The following ADAMTSL1 variants were observed in gnomAD, a reference collection of about 807,000 sequenced individuals.
ADAMTSL1 encodes ADAMTS like 1, also known as ADAMTS-like protein 1.
A neutral mutation model predicts 201.8 loss-of-function variants in ADAMTSL1; 126 were observed. The ratio of observed to expected loss-of-function variants is 0.62; its 90% CI spans 0.54 to 0.72. The LOEUF is 0.72. Ranked by LOEUF, ADAMTSL1 falls within the 30% of genes least tolerant of loss-of-function variation. The pLI, the probability that ADAMTSL1 is intolerant of heterozygous loss-of-function variation, is 0.00. For synonymous variants in ADAMTSL1, 1,121 were observed against 903.4 expected (o/e 1.24, Z -4.32); for missense variants, 2,679 against 2,277.8 (o/e 1.18, Z -3.59).
At chr9:18,304,639 G>A (rs1287538464) in intron 2 of ADAMTSL1, among the ~76,000 whole-genome samples, 1 of 149,122 alleles carries the variant, frequency 6.7e-6, no homozygotes, top group Non-Finnish European at 1.5e-5. Context: ...GGTAGCACAA[G>A]GGCCTAAACT....
At chr9:18,560,771 A>G (rs1256606211) in intron 3 of ADAMTSL1, among the ~76,000 whole-genome samples, 1 of 151,766 alleles carries the variant, frequency 6.6e-6, no homozygotes, top group Admixed American at 6.6e-5. Flanking sequence ...CCTTTCTTCT[A>G]GATTTTCTAG....
intron 2 of ADAMTSL1, among the ~76,000 whole-genome samples, chr9:18,306,516 A>C (rs1010014876): frequency 2.0e-5 from 3 of 152,210 alleles, no homozygotes; most frequent in African/African-American, 7.2e-5. Flanking sequence ...GATGGAGCTG[A>C]AAAACACAGC....
intron 2 of ADAMTSL1, among the ~76,000 whole-genome samples, chr9:18,427,846 G>A (rs1278620633): frequency 6.6e-6 from 1 of 152,240 alleles, no homozygotes; most frequent in Non-Finnish European, 1.5e-5. Context: ...ACGTAGAGAT[G>A]ATGAGACTGC....
At chr9:17,940,056 G>C (rs899126111) in intron 1 of ADAMTSL1, among the ~76,000 whole-genome samples, 1 of 152,004 alleles carries the variant, frequency 6.6e-6, no homozygotes, top group Non-Finnish European at 1.5e-5. Context: ...GAAACAATAG[G>C]TGTGGTTAGA....
rs139160097 is a variant in ADAMTSL1, at chr9:18,584,457, G to A, written c.474+10191G>A. 9.3e-4 allele frequency among the ~76,000 whole-genome samples: 142 copies of A among 152,138 alleles called. 1 individual carries two copies. The highest frequency in any genetic ancestry group is 2.1e-3 in the South Asian group (10 of 4,824). On this transcript the variant is annotated intron_variant, in intron 4 of 28. Transcript: ENST00000380548. Reference sequence around the variant, plus strand: ...CAGGTATGTCTTTATCAGCAGCATGGAAACAGACTAATACATCGCTGAAAG... The same window carrying A: ...CAGGTATGTCTTTATCAGCAGCATGAAAACAGACTAATACATCGCTGAAAG...
chr9:18,356,427 C>T (rs1836232062), intron 2 of ADAMTSL1, among the ~76,000 whole-genome samples: 1 of 149,868 alleles, frequency 6.7e-6, no homozygotes, highest in Middle Eastern at 3.3e-3. Context: ...ACTTGGGATG[C>T]TAAGGCAGGA....
At chr9:18,290,691 A>G (rs1563862706) in intron 2 of ADAMTSL1, among the ~76,000 whole-genome samples, 1 of 152,114 alleles carries the variant, frequency 6.6e-6, no homozygotes, top group Non-Finnish European at 1.5e-5. Flanking sequence ...AACCAATGAA[A>G]GAAGGAATCA....
chr9:18,135,522 A>G (rs565355231), intron 1 of ADAMTSL1, among the ~76,000 whole-genome samples: 2 of 152,286 alleles, frequency 1.3e-5, no homozygotes, highest in South Asian at 4.1e-4. Context: ...ACTGCCAGGC[A>G]TAGTGGTGCA....
intron 2 of ADAMTSL1, among the ~76,000 whole-genome samples, chr9:18,214,294 A>G (rs1431138368): frequency 6.6e-6 from 1 of 152,192 alleles, no homozygotes; most frequent in Non-Finnish European, 1.5e-5. Context: ...TCTCTTCGAA[A>G]TTCAAATACA....
At position 18,310,386 on chromosome 9, in the gene ADAMTSL1, A is replaced by AAC. The variant is rs1554657139; in HGVS notation, c.207+146406_207+146407insCA. 4.6e-3 allele frequency among the ~76,000 whole-genome samples: 673 copies of AAC among 145,156 alleles called. 11 individuals carry two copies. Among genetic ancestry groups the AAC allele is most frequent in the South Asian group, 0.024 (103 of 4,348 alleles). ...CTGCATAGCAAAAAAAAAAAAAAAA[A>AAC]AAAAAAAAAAAAACTATCTTCAGAG... On this transcript the variant is annotated intron_variant, in intron 2 of 29. Coordinates refer to the ADAMTSL1 transcript ENST00000680146.
chr9:18,169,250 T>C lies in ADAMTSL1; in HGVS notation c.207+5269T>C, dbSNP rs1001073529. The stretch of plus-strand genomic sequence containing the variant: ...CCTAGGTTTTCTTCTAGGGTTTTTA[T>C]GGTTTTAGGTCTAACATTTAAGTCT... On this transcript the variant is annotated intron_variant, in intron 2 of 29. Transcript: ENST00000680146. 2.0e-5 allele frequency among the ~76,000 whole-genome samples: 3 copies of C among 152,166 alleles called. No individual in the cohort carries two copies. The East Asian group carries it at 5.8e-4, about 29-fold the overall frequency.
chr9:17,921,474 G>A (rs1371255595), intron 1 of ADAMTSL1, among the ~76,000 whole-genome samples: 3 of 152,040 alleles, frequency 2.0e-5, no homozygotes, highest in Non-Finnish European at 4.4e-5. Context: ...TTTATTTACT[G>A]TTATTTTAGC....
At chr9:18,266,514 T>C (rs1408230959) in intron 2 of ADAMTSL1, among the ~76,000 whole-genome samples, 5 of 152,196 alleles carry the variant, frequency 3.3e-5, no homozygotes, top group African/African-American at 4.8e-5. Flanking sequence ...TTAGGAACTA[T>C]TGAGTGAGGG....
intron 26 of ADAMTSL1, among the ~76,000 whole-genome samples, chr9:18,902,053 T>C (rs1588351578): frequency 6.6e-6 from 1 of 152,148 alleles, no homozygotes; most frequent in East Asian, 1.9e-4. Flanking sequence ...AGGGTCAATA[T>C]ACCAAGAACA....
intron 1 of ADAMTSL1, among the ~76,000 whole-genome samples, chr9:18,067,695 A>C (rs1822770465): frequency 1.3e-5 from 2 of 152,232 alleles, no homozygotes; most frequent in African/African-American, 4.8e-5. Context: ...ACTAAGCTTT[A>C]CAACAGCAGC....
At chr9:18,221,660 C>T (rs1205646217) in intron 2 of ADAMTSL1, among the ~76,000 whole-genome samples, 1 of 151,952 alleles carries the variant, frequency 6.6e-6, no homozygotes, top group Middle Eastern at 3.2e-3. Context: ...TTCTAATTTC[C>T]ATTATAATTT....
At chr9:18,821,369 C>T (rs1250631351) in intron 21 of ADAMTSL1, among the ~76,000 whole-genome samples, 1 of 152,134 alleles carries the variant, frequency 6.6e-6, no homozygotes, top group Non-Finnish European at 1.5e-5. Flanking sequence ...CACATGCCTT[C>T]CAAGGTCTCC....
At chr9:18,803,360 A>G (rs1326744213) in intron 20 of ADAMTSL1, among the ~76,000 whole-genome samples, 2 of 152,210 alleles carry the variant, frequency 1.3e-5, no homozygotes, top group Non-Finnish European at 2.9e-5. Context: ...CTTCACAACC[A>G]GCAATGGAGG....
intron 2 of ADAMTSL1, among the ~76,000 whole-genome samples, chr9:18,439,151 G>A (rs763208270): frequency 1.3e-5 from 2 of 152,150 alleles, no homozygotes; most frequent in Non-Finnish European, 2.9e-5. Flanking sequence ...CCAGGGACTT[G>A]TGTGTCCTGC....
Sources: gnomAD v4.1 joint callset for allele counts (sites outside exome capture counted in the v4.1 genomes callset) on GRCh38, gnomAD v4.1.1 for gene constraint, MANE v1.5 for transcripts, NCBI Gene and HGNC (gene_info 2026-07-23, HGNC 2026-07-21) for gene names.